CREM: variants seen among roughly 807,000 people sequenced by gnomAD.
CREM encodes the protein cAMP responsive element modulator.
In CREM, 13 loss-of-function variants were observed where a neutral mutation model predicts 37.3. That is an observed-to-expected ratio of 0.35 (90% CI 0.23 to 0.55). The LOEUF is 0.55. Among genes scored for constraint, CREM ranks in the 20% least tolerant of loss-of-function variants. The pLI, the probability that CREM is intolerant of heterozygous loss-of-function variation, is 0.88. For synonymous variants in CREM, 124 were observed against 120.2 expected (o/e 1.03, Z -0.21); for missense variants, 296 against 362.3 (o/e 0.82, Z 1.49).
chr10:35,174,679 T>C (rs910898038), intron 3 of CREM, among the ~76,000 whole-genome samples: 5 of 152,212 alleles, frequency 3.3e-5, no homozygotes, highest in African/African-American at 1.2e-4. Context: ...CTTTGACTCT[T>C]GAGTAAGTCA....
At chr10:35,161,808 A>C (rs772574772) in intron 3 of CREM, among the ~76,000 whole-genome samples, 2 of 152,206 alleles carry the variant, frequency 1.3e-5, no homozygotes, top group Non-Finnish European at 2.9e-5. Context: ...AAAAGGGAAC[A>C]CTTATACACT....
intron 3 of CREM, among the ~76,000 whole-genome samples, chr10:35,158,798 GTTTTT>G (rs543961468): frequency 9.9e-6 from 1 of 100,840 alleles, no homozygotes; most frequent in Non-Finnish European, 2.1e-5. Context: ...CAAATATAGT[GTTTTT>G]TTTTTGTTGT....
intron 2 of CREM, among the ~76,000 whole-genome samples, chr10:35,145,353 C>T (rs1007253205): frequency 3.3e-5 from 5 of 152,004 alleles, no homozygotes; most frequent in Admixed American, 2.6e-4. Flanking sequence ...CTCTCATAGT[C>T]GACCTGTCCT....
chr10:35,189,533 T>A (rs546324767), intron 6 of CREM, among the ~76,000 whole-genome samples: 1 of 152,260 alleles, frequency 6.6e-6, no homozygotes, highest in South Asian at 2.1e-4. Context: ...TATTTATTTT[T>A]GAGACAGAGT....
intron 5 of CREM, among the ~76,000 whole-genome samples, chr10:35,184,102 G>A (rs1361674707): frequency 1.3e-5 from 2 of 152,158 alleles, no homozygotes; most frequent in Admixed American, 1.3e-4. Context: ...AAATAAATAA[G>A]AAGTGTATAA....
chr10:35,133,694 A>T (rs2089888618), intron 1 of CREM, among the ~76,000 whole-genome samples: 2 of 152,256 alleles, frequency 1.3e-5, no homozygotes, highest in African/African-American at 4.8e-5. Flanking sequence ...TCTCTTTTTG[A>T]ATCATTTAAT....
chr10:35,128,453 A>G (rs930161369), intron 1 of CREM, among the ~76,000 whole-genome samples: 2 of 151,922 alleles, frequency 1.3e-5, no homozygotes, highest in African/African-American at 4.8e-5. Flanking sequence ...ATCAGATTAC[A>G]TGAATAAACC....
intron 5 of CREM, among the ~76,000 whole-genome samples, chr10:35,185,219 CA>C (rs2094507350): frequency 6.6e-6 from 1 of 151,928 alleles, no homozygotes. Context: ...TCTCCTCCCT[CA>C]GCCTCCCGAG....
intron 1 of CREM, among the ~76,000 whole-genome samples, chr10:35,133,829 G>A (rs1460663433): frequency 6.6e-6 from 1 of 152,220 alleles, no homozygotes; most frequent in Non-Finnish European, 1.5e-5. Flanking sequence ...CCCTGTTGGA[G>A]TGAACATAAG....
intron 5 of CREM, among the ~76,000 whole-genome samples, chr10:35,183,781 G>C (rs1022476137): frequency 1.3e-5 from 2 of 152,196 alleles, no homozygotes; most frequent in African/African-American, 4.8e-5. Context: ...AGGATTAGAA[G>C]TATATAACAT....
intron 5 of CREM, among the ~76,000 whole-genome samples, chr10:35,186,945 A>C (rs1452248112): frequency 1.0e-5 from 1 of 96,866 alleles, no homozygotes; most frequent in Non-Finnish European, 1.8e-5. Flanking sequence ...ATACAATATA[A>C]ATTATATATA....
Position 35,148,446 on chromosome 10 carries a change from T to C in CREM, c.123T>C (p.His41=), listed in dbSNP as rs369290785. Reference sequence around the variant, plus strand: ...CTTTGACAGAGAGCAAGTCTGCTCATGTGCAGACTCAGACTGGCCAAAATT... The same window carrying C: ...CTTTGACAGAGAGCAAGTCTGCTCACGTGCAGACTCAGACTGGCCAAAATT... ...TASLTESKSA[H]VQTQTGQNSI... is the part of the protein sequence containing the mutation. The change falls in exon 3 of 8, where the codon CAT becomes CAC. Residue 41 remains histidine (H), a synonymous_variant. Coordinates refer to ENST00000685392, the MANE Select transcript of CREM (RefSeq NM_183011.2). 20 of 1,613,852 alleles carry C rather than the reference T, an allele frequency of 1.2e-5. No homozygotes were observed. The African/African-American group carries it at 2.5e-4, about 20-fold the overall frequency.
chr10:35,209,287 A>G (rs921162744), intron 7 of CREM: 55 of 985,008 alleles, frequency 5.6e-5, no homozygotes, highest in Non-Finnish European at 6.5e-5. Context: ...CTGCCAATCC[A>G]GCAACAGTTT....
chr10:35,148,617 TTTGA>T, intron 3 of CREM, 126 bp downstream of exon 3: 3 of 1,099,902 alleles, frequency 2.7e-6, no homozygotes, highest in Non-Finnish European at 3.8e-6. Flanking sequence ...TTCTTGCTTA[TTTGA>T]TTGTGAAGAA....
At chr10:35,201,429 A>G in intron 6 of CREM, 1 of 1,551,112 alleles carries the variant, frequency 6.4e-7, no homozygotes, top group South Asian at 1.2e-5. Flanking sequence ...ATTAAATGAG[A>G]TACTGTATCC....
rs145313805 is a variant in CREM, at chr10:35,135,872, G to GTA, written c.-54-1909_-54-1908dup. ...AGTTTCAAATAGAGGGGGAAATGCTGTAGGGGTATTGAGGAAGATGGGGAC... is the reference window on the plus strand; with the variant it reads ...AGTTTCAAATAGAGGGGGAAATGCTGTATAGGGGTATTGAGGAAGATGGGGAC... On this transcript the variant is annotated intron_variant, in intron 1 of 7. Transcript: ENST00000685392. Among the ~76,000 whole-genome samples the GTA allele has an allele frequency of 2.7e-3, 410 of 152,270 alleles. 13 individuals are homozygous for GTA. In the East Asian group the frequency reaches 0.076, roughly 28 times the overall value.
chr10:35,131,866 A>C (rs1320653835), intron 1 of CREM, among the ~76,000 whole-genome samples: 1 of 152,196 alleles, frequency 6.6e-6, no homozygotes, highest in African/African-American at 2.4e-5. Flanking sequence ...AACAAAACAA[A>C]ACAACCTTAC....
At chr10:35,196,003 A>T (rs942614315) in intron 6 of CREM, 1 of 1,585,902 alleles carries the variant, frequency 6.3e-7, no homozygotes, top group Non-Finnish European at 8.7e-7. Context: ...CCCTACTTTA[A>T]CATTTCTTTT....
chr10:35,128,516 T>C (rs1206515273), intron 1 of CREM, among the ~76,000 whole-genome samples: 1 of 150,138 alleles, frequency 6.7e-6, no homozygotes, highest in Admixed American at 6.7e-5. Context: ...CGCCACGTTT[T>C]TTTCCTAGTC....
Sources: gnomAD v4.1 joint callset for allele counts (sites outside exome capture counted in the v4.1 genomes callset) on GRCh38, gnomAD v4.1.1 for gene constraint, MANE v1.5 for transcripts, NCBI Gene and HGNC (gene_info 2026-07-23, HGNC 2026-07-21) for gene names.